WWOX: variants seen among roughly 807,000 people sequenced by gnomAD.
The protein encoded by WWOX is WW domain-containing oxidoreductase.
WWOX carries 69 observed loss-of-function variants against 46.2 expected under a neutral mutation model. The observed-to-expected ratio is 1.49, with a 90% CI of 1.23 to 1.82. WWOX has a LOEUF of 1.82. Ranked by LOEUF, WWOX falls within the 40% of genes most tolerant of loss-of-function variation. The pLI is 0.00. For missense variants in WWOX, 919 were observed against 542.6 expected (o/e 1.69, Z -6.89); for synonymous variants, 359 against 202.6 (o/e 1.77, Z -6.56).
intron 8 of WWOX, among the ~76,000 whole-genome samples, chr16:78,858,806 G>C (rs1461714925): frequency 6.6e-6 from 1 of 151,286 alleles, no homozygotes; most frequent in East Asian, 2.0e-4. Flanking sequence ...AGCCTCCTCA[G>C]TTGCTGGGAC....
intron 8 of WWOX, among the ~76,000 whole-genome samples, chr16:79,152,495 C>T (rs1247210060): frequency 6.6e-6 from 1 of 152,040 alleles, no homozygotes. Context: ...CATGGTGAAA[C>T]CCTGTCTCTA....
chr16:79,173,849 T>G (rs2050748364), intron 8 of WWOX, among the ~76,000 whole-genome samples: 1 of 152,156 alleles, frequency 6.6e-6, no homozygotes, highest in Non-Finnish European at 1.5e-5. Context: ...AGAACTATAT[T>G]AAAAGAAAGA....
chr16:78,728,402 T>G (rs2048887630), intron 8 of WWOX, among the ~76,000 whole-genome samples: 1 of 152,136 alleles, frequency 6.6e-6, no homozygotes, highest in Non-Finnish European at 1.5e-5. Flanking sequence ...AATATAACCA[T>G]ATTTTCAAAC....
chr16:78,682,780 G>A (rs2738625), intron 8 of WWOX, among the ~76,000 whole-genome samples: 94,926 of 152,030 alleles, frequency 0.62, 29,804 homozygotes, highest in Middle Eastern at 0.69. Flanking sequence ...TTTGGAGCCA[G>A]TACTTCTTGC....
chr16:78,642,761 G>A (rs1242616144), intron 8 of WWOX, among the ~76,000 whole-genome samples: 1 of 152,024 alleles, frequency 6.6e-6, no homozygotes, highest in Non-Finnish European at 1.5e-5. Flanking sequence ...TACCTCAGTG[G>A]GGAACTCAGG....
At chr16:78,229,053 C>A (rs76272117) in intron 5 of WWOX, among the ~76,000 whole-genome samples, 1 of 152,120 alleles carries the variant, frequency 6.6e-6, no homozygotes, top group African/African-American at 2.4e-5. Context: ...TGTTATTTGA[C>A]CTCATAATAC....
In WWOX at chr16:79,210,142, C is replaced by T. The variant is rs150752483; in HGVS notation, c.1057-1466C>T. 9.3e-4 allele frequency among the ~76,000 whole-genome samples: 141 copies of T among 152,286 alleles called. 2 individuals are homozygous for T. The highest frequency in any genetic ancestry group is 2.5e-3 in the African/African-American group (102 of 41,558). On this transcript the variant is annotated intron_variant, in intron 8 of 8. Transcript: ENST00000566780. ...TTTGTCTCACTCACGGTCCACACCC[C>T]GCCCAGAGTCGTATCACTTGACTGC...
At chr16:78,286,489 T>C (rs1210084590) in intron 5 of WWOX, among the ~76,000 whole-genome samples, 1 of 152,256 alleles carries the variant, frequency 6.6e-6, no homozygotes, top group South Asian at 2.1e-4. Flanking sequence ...CGATAAAAAT[T>C]ACATTTCTCT....
At position 78,578,280 on chromosome 16, in the gene WWOX, A is replaced by ATTTTT. The variant is rs1433554555; in HGVS notation, c.1056+145529_1056+145530insTTTTT. Among the ~76,000 whole-genome samples the ATTTTT allele has an allele frequency of 1.6e-3, 58 of 35,400 alleles. 1 individual carries two copies. Among genetic ancestry groups the ATTTTT allele is most frequent in the African/African-American group, 2.4e-3 (17 of 7,148 alleles). The allele number at this position is 35,400 out of a possible 152,430, so 23.2% of individuals were successfully genotyped here. The stretch of plus-strand genomic sequence containing the variant: ...TATATATATATATATATATATATAT[A>ATTTTT]TATATTTTTTTTTTTTTTTTTTTTT... On this transcript the variant is annotated intron_variant, in intron 8 of 8. Transcript: ENST00000566780.
intron 8 of WWOX, among the ~76,000 whole-genome samples, chr16:78,751,583 C>G (rs1320847171): frequency 2.0e-5 from 3 of 149,716 alleles, no homozygotes; most frequent in East Asian, 2.0e-4. Flanking sequence ...CTAAAAATAA[C>G]AAAACATTCT....
intron 8 of WWOX, among the ~76,000 whole-genome samples, chr16:78,445,233 C>A (rs1015454709): frequency 3.3e-5 from 5 of 152,058 alleles, no homozygotes; most frequent in African/African-American, 1.2e-4. Context: ...AATACCATAC[C>A]CCATCTATTT....
chr16:79,040,754 C>A, intron 8 of WWOX, among the ~76,000 whole-genome samples: 1 of 152,208 alleles, frequency 6.6e-6, no homozygotes, highest in South Asian at 2.1e-4. Context: ...ACTTGTCAGC[C>A]AGGGAACCTG....
At chr16:79,014,540 A>C (rs2151379340) in intron 8 of WWOX, among the ~76,000 whole-genome samples, 1 of 152,310 alleles carries the variant, frequency 6.6e-6, no homozygotes, top group Admixed American at 6.5e-5. Flanking sequence ...TCAATTCCAG[A>C]GATGTTTTCA....
At chr16:78,657,048 T>C (rs2142159997) in intron 8 of WWOX, among the ~76,000 whole-genome samples, 1 of 152,286 alleles carries the variant, frequency 6.6e-6, no homozygotes, top group East Asian at 1.9e-4. Context: ...TGCAGCCCCT[T>C]GTAGGGCTTT....
chr16:78,752,486 C>T (rs918259430), intron 8 of WWOX, among the ~76,000 whole-genome samples: 3 of 152,174 alleles, frequency 2.0e-5, no homozygotes, highest in African/African-American at 7.2e-5. Flanking sequence ...CGGGATTTCG[C>T]CCTGTTGGCC....
intron 8 of WWOX, among the ~76,000 whole-genome samples, chr16:78,680,379 C>G (rs537299675): frequency 6.6e-6 from 1 of 151,998 alleles, no homozygotes; most frequent in Non-Finnish European, 1.5e-5. Flanking sequence ...CCTATCTCTA[C>G]AAAAATTAGC....
chr16:78,688,312 A>C (rs1209639008), intron 8 of WWOX, among the ~76,000 whole-genome samples: 6 of 151,698 alleles, frequency 4.0e-5, no homozygotes, highest in South Asian at 2.1e-4. Context: ...AAATAGGAAA[A>C]TTTTCTGAGA....
At chr16:78,626,995 T>C (rs2046325699) in intron 8 of WWOX, among the ~76,000 whole-genome samples, 1 of 152,322 alleles carries the variant, frequency 6.6e-6, no homozygotes, top group East Asian at 1.9e-4. Context: ...ATCTTTGGTT[T>C]TGTTTTCACT....
chr16:78,602,045 G>A (rs903520137), intron 8 of WWOX, among the ~76,000 whole-genome samples: 3 of 152,180 alleles, frequency 2.0e-5, no homozygotes, highest in African/African-American at 7.2e-5. Context: ...TTATTAAAAT[G>A]CAGACTTCCT....
Sources: allele counts gnomAD v4.1 joint callset (sites outside exome capture counted in the v4.1 genomes callset), GRCh38; gene constraint gnomAD v4.1.1; transcripts MANE v1.5; gene names NCBI Gene and HGNC (gene_info 2026-07-23, HGNC 2026-07-21).